Variants in REV1 observed in about 807,000 individuals in gnomAD.
REV1 encodes REV1 DNA directed polymerase.
In REV1, 42 loss-of-function variants were observed where a neutral mutation model predicts 137.4. The observed-to-expected ratio is 0.31, with a 90% CI of 0.24 to 0.40. The LOEUF (loss-of-function observed/expected upper bound fraction) is 0.40. Ranked by LOEUF, REV1 falls within the 10% of genes least tolerant of loss-of-function variation. The pLI is 1.00. For synonymous variants in REV1, 524 were observed against 519.2 expected (o/e 1.01, Z -0.12); for missense variants, 1,282 against 1,490.1 (o/e 0.86, Z 2.30).
chr2:99,476,376 T>A (rs1023865470), intron 1 of REV1, among the ~76,000 whole-genome samples: 8 of 152,016 alleles, frequency 5.3e-5, no homozygotes, highest in African/African-American at 1.7e-4. Context: ...GCCAACATGG[T>A]GAAACCCCAT....
intron 11 of REV1, among the ~76,000 whole-genome samples, chr2:99,420,902 A>G (rs1198705454): frequency 6.6e-6 from 1 of 152,212 alleles, no homozygotes; most frequent in Non-Finnish European, 1.5e-5. Flanking sequence ...GTGGGTTAAG[A>G]AAGGAAGAGG....
chr2:99,413,355 G>C (rs1008357944), intron 12 of REV1, among the ~76,000 whole-genome samples: 1 of 152,110 alleles, frequency 6.6e-6, no homozygotes, highest in Non-Finnish European at 1.5e-5. Context: ...AAATGTAAGG[G>C]ATCTATTATG....
intron 1 of REV1, among the ~76,000 whole-genome samples, chr2:99,469,938 G>C (rs1011640223): frequency 6.6e-6 from 1 of 151,880 alleles, no homozygotes; most frequent in Admixed American, 6.6e-5. Context: ...TGGCTAAAAC[G>C]GTGAAACCCC....
At chr2:99,470,673 CTGCCTT>C (rs1685313951) in intron 1 of REV1, among the ~76,000 whole-genome samples, 1 of 152,230 alleles carries the variant, frequency 6.6e-6, no homozygotes, top group Non-Finnish European at 1.5e-5. Flanking sequence ...TTGTTCTCCT[CTGCCTT>C]TGCCTCTTTT....
chr2:99,478,351 A>G lies in REV1; in HGVS notation c.-11+11466T>C, dbSNP rs968145603. Among the ~76,000 whole-genome samples the G allele has an allele frequency of 1.2e-4, 19 of 152,342 alleles. 1 individual carries two copies. Among genetic ancestry groups the G allele is most frequent in the East Asian group, 3.9e-4 (2 of 5,188 alleles). On this transcript the variant is annotated intron_variant, in intron 1 of 22. Coordinates refer to ENST00000258428, the MANE Select transcript of REV1 (RefSeq NM_016316.4). ...TTCCTGCTTTCCTGTGTTCCAAACC[A>G]CATGGCCCAATTGCATTTATTAAGC...
At chr2:99,446,142 T>C (rs1345161685) in intron 4 of REV1, among the ~76,000 whole-genome samples, 1 of 152,190 alleles carries the variant, frequency 6.6e-6, no homozygotes, top group South Asian at 2.1e-4. Flanking sequence ...CACTGATCCA[T>C]TTCCACATGG....
chr2:99,426,430 TTTA>T (rs1476225343), intron 9 of REV1, among the ~76,000 whole-genome samples: 1 of 148,300 alleles, frequency 6.7e-6, no homozygotes, highest in Non-Finnish European at 1.5e-5. Flanking sequence ...AAAACATTAA[TTTA>T]CACAAAAATT....
At chr2:99,409,855 C>G (rs1464515729) in intron 14 of REV1, among the ~76,000 whole-genome samples, 4 of 20,922 alleles carry the variant, frequency 1.9e-4, no homozygotes, top group African/African-American at 7.2e-4. Flanking sequence ...AACAAACAAC[C>G]CCCCCCCCCC....
chr2:99,434,477 T>C (rs772488229), intron 7 of REV1, 29 bp from the exon 8 acceptor site: 14 of 1,508,360 alleles, frequency 9.3e-6, no homozygotes, highest in Non-Finnish European at 1.3e-5. Context: ...ATTATTTCTG[T>C]ATGTGGTACA....
intron 10 of REV1, among the ~76,000 whole-genome samples, chr2:99,423,670 T>TTA (rs1678974266): frequency 6.6e-6 from 1 of 152,222 alleles, no homozygotes; most frequent in Admixed American, 6.5e-5. Context: ...ATTTTGAAAC[T>TTA]ATTATTAAAG....
intron 15 of REV1, 72 bp from the exon 16 acceptor site, chr2:99,406,562 C>A: frequency 8.0e-7 from 1 of 1,249,710 alleles, no homozygotes; most frequent in South Asian, 1.9e-5. Context: ...AAGCAAAATC[C>A]TCAGCAAATC....
chr2:99,487,284 AAGTGGT>A (rs1318734179), intron 1 of REV1, among the ~76,000 whole-genome samples: 1 of 122,460 alleles, frequency 8.2e-6, no homozygotes, highest in Non-Finnish European at 1.8e-5. Context: ...ATTCAAATGT[AAGTGGT>A]TCACAGGATG....
intron 11 of REV1, among the ~76,000 whole-genome samples, chr2:99,419,306 G>A (rs2104567514): frequency 6.7e-6 from 1 of 149,454 alleles, no homozygotes; most frequent in Non-Finnish European, 1.5e-5. Context: ...TCCGCCTCCT[G>A]GGCTCCAGCC....
At chr2:99,459,076 T>C (rs1288020189) in intron 3 of REV1, among the ~76,000 whole-genome samples, 2 of 151,898 alleles carry the variant, frequency 1.3e-5, no homozygotes, top group Admixed American at 6.6e-5. Context: ...GGCGTGGTGG[T>C]GGCCACCTGT....
chr2:99,441,782 A>G (rs1469688179), intron 5 of REV1, among the ~76,000 whole-genome samples: 1 of 152,242 alleles, frequency 6.6e-6, no homozygotes, highest in African/African-American at 2.4e-5. Flanking sequence ...AAGGTGAGAA[A>G]CCAGTATGAC....
At chr2:99,407,887 TCTC>T (rs896018838) in intron 15 of REV1, 139 bp downstream of exon 15, 105 of 428,146 alleles carry the variant, frequency 2.5e-4, no homozygotes, top group Non-Finnish European at 3.3e-4. Flanking sequence ...AATTTTTGTT[TCTC>T]TTTTCCTTGT....
intron 1 of REV1, among the ~76,000 whole-genome samples, chr2:99,488,557 TTGTA>T: frequency 2.0e-5 from 1 of 49,770 alleles, no homozygotes. Flanking sequence ...GAAGAGAGCC[TTGTA>T]TACTGGAGAA....
chr2:99,457,859 A>T (rs148149570), intron 3 of REV1, among the ~76,000 whole-genome samples: 4 of 152,300 alleles, frequency 2.6e-5, no homozygotes, highest in Non-Finnish European at 5.9e-5. Flanking sequence ...ACATCAATGG[A>T]AGAGAACAGA....
At chr2:99,490,085 C>CCGGCCCCGCCCACACCCCCTCCG, upstream of REV1, 1 of 144,548 alleles carries the variant, frequency 6.9e-6, no homozygotes, top group Non-Finnish European at 1.5e-5. Context: ...CGCGCGCTCC[C>CCGGCCCCGCCCACACCCCCTCCG]CGGCCCCGCT....
Sources: allele counts gnomAD v4.1 joint callset (sites outside exome capture counted in the v4.1 genomes callset), GRCh38; gene constraint gnomAD v4.1.1; transcripts MANE v1.5; gene names NCBI Gene and HGNC (gene_info 2026-07-23, HGNC 2026-07-21).